Variants in ATP8A2 observed in about 807,000 individuals in gnomAD.
ATP8A2 encodes phospholipid-transporting ATPase IB.
Under a neutral mutation model 165.6 loss-of-function variants are expected in ATP8A2, and 100 were observed. That is an observed-to-expected ratio of 0.60 (90% CI 0.51 to 0.71). The LOEUF is 0.71. Ranked by LOEUF, ATP8A2 falls within the 30% of genes least tolerant of loss-of-function variation. ATP8A2 has a pLI of 0.00. For missense variants in ATP8A2, 1,227 were observed against 1,479.5 expected (o/e 0.83, Z 2.80); for synonymous variants, 543 against 548.8 (o/e 0.99, Z 0.15).
intron 24 of ATP8A2, 107 bp from the exon 25 acceptor site, chr13:25,699,066 A>G: frequency 9.4e-6 from 8 of 847,730 alleles, no homozygotes; most frequent in Non-Finnish European, 1.4e-5. Flanking sequence ...GTATATTTAT[A>G]TTAGAATGGG....
intron 24 of ATP8A2, among the ~76,000 whole-genome samples, chr13:25,657,478 G>A (rs905174551): frequency 6.6e-6 from 1 of 152,182 alleles, no homozygotes; most frequent in Non-Finnish European, 1.5e-5. Flanking sequence ...AGCAGAGCAT[G>A]TTCAGCCACT....
In ATP8A2 at chr13:25,755,487, G is replaced by A. The variant is rs2044241382; in HGVS notation, c.2385-13559G>A. ...GTGCAAAGCATTCCGTTGAATGTAG[G>A]GGCAATTTAAAAATGAAGACATAAT... On this transcript the variant is annotated intron_variant, in intron 25 of 36. Coordinates refer to ENST00000381655, the MANE Select transcript of ATP8A2 (RefSeq NM_016529.6). 3.9e-5 allele frequency among the ~76,000 whole-genome samples: 6 copies of A among 152,142 alleles called. No homozygotes were observed. In the South Asian group the frequency reaches 1.2e-3, roughly 32 times the overall value.
chr13:25,496,324 C>T (rs2036678604), intron 2 of ATP8A2, among the ~76,000 whole-genome samples: 1 of 152,128 alleles, frequency 6.6e-6, no homozygotes, highest in Non-Finnish European at 1.5e-5. Context: ...GTGCCACCTC[C>T]AGCTTGGATG....
At position 25,862,307 on chromosome 13, in the gene ATP8A2, C is replaced by A; in HGVS notation, c.3082C>A (p.His1028Asn). 1 of 1,613,774 alleles carries A rather than the reference C, an allele frequency of 6.2e-7. No homozygotes were observed. Among genetic ancestry groups the A allele is most frequent in the South Asian group, 1.1e-5 (1 of 91,046 alleles). ...TGTCTATTTCCCTCTGCAGTTCAGT[C>A]ATCTGGCTGTCTGGGGAAGCATGCT... is the stretch of plus-strand genomic sequence containing the variant. ...LETTAWTKFS[H>N]LAVWGSMLTW... The change falls in exon 33 of 37, where the codon CAT (histidine) becomes AAT (asparagine). Residue 1028 changes from histidine (H) to asparagine (N), a missense_variant. This residue lies in a region of ATP8A2 where 260 missense variants were observed against 245.1 expected (regional missense o/e 1.06). Transcript: ENST00000381655.
intron 27 of ATP8A2, among the ~76,000 whole-genome samples, chr13:25,781,917 T>C (rs1397770916): frequency 6.6e-6 from 1 of 152,210 alleles, no homozygotes; most frequent in Non-Finnish European, 1.5e-5. Context: ...ATGCACTTGG[T>C]CAACCCTATT....
chr13:25,498,253 A>G (rs1342047620), intron 2 of ATP8A2, among the ~76,000 whole-genome samples: 5 of 152,234 alleles, frequency 3.3e-5, no homozygotes, highest in African/African-American at 1.2e-4. Context: ...GGCAGCAAAT[A>G]CAGCAGCAAT....
At chr13:25,599,376 C>T (rs1001503216) in intron 24 of ATP8A2, among the ~76,000 whole-genome samples, 5 of 152,204 alleles carry the variant, frequency 3.3e-5, no homozygotes, top group Non-Finnish European at 5.9e-5. Context: ...CTTCAGCTGT[C>T]ATCGGCTCAC....
In ATP8A2 at chr13:25,837,288, A is replaced by G. The variant is rs1951637574; in HGVS notation, c.2877+3A>G. On this transcript the variant is annotated splice_donor_region_variant and intron_variant, in intron 29 of 36. Transcript: ENST00000381655. ...ATGGCGAAGGCTTCAACACAAAGGT[A>G]AACAGAGTGTGATCTCAGAACTGTC... 6.2e-7 allele frequency: 1 copy of G among 1,614,066 alleles called. No homozygotes were observed. Among genetic ancestry groups the G allele is most frequent in the Non-Finnish European group, 8.5e-7 (1 of 1,179,952 alleles).
intron 24 of ATP8A2, among the ~76,000 whole-genome samples, chr13:25,634,083 T>C (rs78367141): frequency 0.042 from 6,434 of 152,276 alleles, 196 homozygotes; most frequent in Non-Finnish European, 0.06. Context: ...AAACAAACTT[T>C]AATGCTGTAT....
At chr13:25,929,999 G>T (rs1395272801) in intron 33 of ATP8A2, among the ~76,000 whole-genome samples, 1 of 152,074 alleles carries the variant, frequency 6.6e-6, no homozygotes, top group Non-Finnish European at 1.5e-5. Context: ...TTGTAGGTAG[G>T]GCAGCCCCAC....
intron 25 of ATP8A2, among the ~76,000 whole-genome samples, chr13:25,738,615 C>G (rs951954343): frequency 6.6e-6 from 1 of 152,232 alleles, no homozygotes; most frequent in African/African-American, 2.4e-5. Flanking sequence ...TCTGTGTACC[C>G]TAAACACTTC....
intron 35 of ATP8A2, 124 bp from the exon 36 acceptor site, chr13:26,012,407 A>C: frequency 1.4e-6 from 1 of 719,210 alleles, no homozygotes; most frequent in Non-Finnish European, 2.3e-6. Context: ...CCGCTGGTGA[A>C]GCACCACGCC....
In ATP8A2 at chr13:25,751,450, T is replaced by C. The variant is rs113003162; in HGVS notation, c.2385-17596T>C. On this transcript the variant is annotated intron_variant, in intron 25 of 36. Transcript: ENST00000381655. ...TTTATTATTTATTTATTTTATTTTA[T>C]GATTTTTTTTTCTTTTAAGAGACAG... Among the ~76,000 whole-genome samples the C allele has an allele frequency of 7.4e-3, 1,124 of 152,082 alleles. 14 individuals carry two copies. Among genetic ancestry groups the C allele is most frequent in the African/African-American group, 0.025 (1,049 of 41,352 alleles).
Position 25,641,785 on chromosome 13 carries a change from T to C in ATP8A2, c.2211+52086T>C, listed in dbSNP as rs1203264040. 5.3e-5 allele frequency among the ~76,000 whole-genome samples: 8 copies of C among 151,990 alleles called. No individual in the cohort carries two copies. In the South Asian group the frequency reaches 1.2e-3, roughly 24 times the overall value. On this transcript the variant is annotated intron_variant, in intron 24 of 36. Coordinates refer to ENST00000381655, the MANE Select transcript of ATP8A2 (RefSeq NM_016529.6). ...GTTCATATGGAACCAAAAAAGAGCCTGCATTGCCAAGTCAATCCTAAGCCA... is the reference window on the plus strand; with the variant it reads ...GTTCATATGGAACCAAAAAAGAGCCCGCATTGCCAAGTCAATCCTAAGCCA...
In ATP8A2 at chr13:25,665,270, A is replaced by T. The variant is rs180988354; in HGVS notation, c.2212-33903A>T. Among the ~76,000 whole-genome samples the T allele has an allele frequency of 1.1e-3, 168 of 152,300 alleles. 2 individuals carry two copies. The highest frequency in any genetic ancestry group is 3.8e-3 in the African/African-American group (160 of 41,564). On this transcript the variant is annotated intron_variant, in intron 24 of 36. Transcript: ENST00000381655. Reference sequence around the variant, plus strand: ...ACCTGTCTCTAAGTCAAAACAGATTATTCAACTTTTTTGAGTGGTATTTTA... The same window carrying T: ...ACCTGTCTCTAAGTCAAAACAGATTTTTCAACTTTTTTGAGTGGTATTTTA...
chr13:25,628,166 C>T (rs980368963), intron 24 of ATP8A2, among the ~76,000 whole-genome samples: 1 of 152,180 alleles, frequency 6.6e-6, no homozygotes, highest in African/African-American at 2.4e-5. Context: ...CTCTTGCTGA[C>T]TTAGAAACCC....
chr13:25,708,062 C>T (rs2043089268), intron 25 of ATP8A2, among the ~76,000 whole-genome samples: 1 of 152,144 alleles, frequency 6.6e-6, no homozygotes, highest in Non-Finnish European at 1.5e-5. Context: ...TCCCCTTTTT[C>T]ATGAATGATT....
intron 27 of ATP8A2, among the ~76,000 whole-genome samples, chr13:25,800,978 A>G (rs1436345035): frequency 6.6e-6 from 1 of 152,150 alleles, no homozygotes; most frequent in Non-Finnish European, 1.5e-5. Flanking sequence ...GACCGTCAGG[A>G]AAAGGATGCT....
At chr13:25,419,545 C>T (rs948831943) in intron 1 of ATP8A2, among the ~76,000 whole-genome samples, 13 of 152,142 alleles carry the variant, frequency 8.5e-5, no homozygotes, top group East Asian at 1.9e-4. Context: ...TAATGCCCAA[C>T]GCACTTACTC....
Sources: gnomAD v4.1 joint callset for allele counts (sites outside exome capture counted in the v4.1 genomes callset) on GRCh38, gnomAD v4.1.1 for gene constraint, gnomAD v4.1.1 regional missense constraint, MANE v1.5 for transcripts, NCBI Gene and HGNC (gene_info 2026-07-23, HGNC 2026-07-21) for gene names.